The following DLGAP2 variants were observed in gnomAD, a reference collection of about 807,000 sequenced individuals.
DLGAP2 encodes the protein disks large-associated protein 2.
In DLGAP2, 26 loss-of-function variants were observed where a neutral mutation model predicts 100.3. The observed-to-expected ratio is 0.26, with a 90% CI of 0.19 to 0.36. The LOEUF is 0.36. Ranked by LOEUF, DLGAP2 falls within the 10% of genes least tolerant of loss-of-function variation. The pLI is 1.00. For missense variants in DLGAP2, 1,858 were observed against 1,453.2 expected (o/e 1.28, Z -4.53); for synonymous variants, 886 against 630.1 (o/e 1.41, Z -6.08).
In DLGAP2 at chr8:1,598,622, T is replaced by C. The variant is rs563411431; in HGVS notation, c.1443-28118T>C. 2.6e-5 allele frequency among the ~76,000 whole-genome samples: 4 copies of C among 152,318 alleles called. 1 individual carries two copies. Among genetic ancestry groups the C allele is most frequent in the African/African-American group, 9.6e-5 (4 of 41,576 alleles). On this transcript the variant is annotated intron_variant, in intron 6 of 14. Transcript: ENST00000637795. ...GTGTATGTTTCCAGGAATGTATCAG[T>C]TTCTTCTAGATTTTCTAGTTTATTT...
At position 1,184,426 on chromosome 8, in the gene DLGAP2, G is replaced by C. The variant is rs1349550767; in HGVS notation, c.74-74425G>C. On this transcript the variant is annotated intron_variant, in intron 2 of 14. Coordinates refer to ENST00000637795, the MANE Select transcript of DLGAP2 (RefSeq NM_001346810.2). ...TTCTCTTGGTAACAGTTTAATGCTG[G>C]AAGCATCCCGTGTGAAGGAGACGGG... 2.0e-5 allele frequency among the ~76,000 whole-genome samples: 3 copies of C among 152,314 alleles called. No individual in the cohort carries two copies. In the South Asian group the frequency reaches 6.2e-4, roughly 32 times the overall value.
intron 3 of DLGAP2, among the ~76,000 whole-genome samples, chr8:1,415,426 C>T (rs564741647): frequency 6.6e-6 from 1 of 151,816 alleles, no homozygotes; most frequent in East Asian, 2.0e-4. Flanking sequence ...ACACTGAGCA[C>T]AGCACCCAAT....
chr8:1,218,015 A>C (rs1480716754), intron 2 of DLGAP2, among the ~76,000 whole-genome samples: 3 of 152,004 alleles, frequency 2.0e-5, no homozygotes, highest in Non-Finnish European at 4.4e-5. Flanking sequence ...AGAAGGGTAG[A>C]TTTGCAGATA....
intron 2 of DLGAP2, among the ~76,000 whole-genome samples, chr8:1,111,144 C>A (rs1339849781): frequency 6.6e-6 from 1 of 152,214 alleles, no homozygotes; most frequent in African/African-American, 2.4e-5. Flanking sequence ...GATGGCAGGG[C>A]TGGAAATGCA....
intron 2 of DLGAP2, among the ~76,000 whole-genome samples, chr8:1,217,879 A>T (rs1029842485): frequency 2.6e-5 from 4 of 152,166 alleles, no homozygotes; most frequent in Non-Finnish European, 5.9e-5. Flanking sequence ...TTTTTAAAAT[A>T]TGCTTGTTGC....
At chr8:1,027,496 T>TGG (rs1801837326) in intron 2 of DLGAP2, among the ~76,000 whole-genome samples, 1 of 115,132 alleles carries the variant, frequency 8.7e-6, no homozygotes, top group Non-Finnish European at 1.8e-5. Flanking sequence ...TCTCCAGGTT[T>TGG]GGTGCCAGGT....
chr8:951,239 G>A (rs993055228), intron 2 of DLGAP2, among the ~76,000 whole-genome samples: 2 of 152,038 alleles, frequency 1.3e-5, no homozygotes, highest in Non-Finnish European at 2.9e-5. Flanking sequence ...AAAAAATAGT[G>A]CAGTGACTCT....
At chr8:904,902 C>T (rs931832538) in intron 1 of DLGAP2, among the ~76,000 whole-genome samples, 2 of 152,196 alleles carry the variant, frequency 1.3e-5, no homozygotes, top group Non-Finnish European at 2.9e-5. Context: ...TCTGTAAATC[C>T]TTCAGAGAGG....
At chr8:1,482,138 G>T (rs781200199) in intron 3 of DLGAP2, among the ~76,000 whole-genome samples, 1 of 152,240 alleles carries the variant, frequency 6.6e-6, no homozygotes, top group Non-Finnish European at 1.5e-5. Context: ...CTCACATGAC[G>T]GTCTGGGAGG....
chr8:926,354 C>A (rs551725249), intron 2 of DLGAP2, among the ~76,000 whole-genome samples: 1 of 152,308 alleles, frequency 6.6e-6, no homozygotes, highest in East Asian at 1.9e-4. Flanking sequence ...GGCCACCCCC[C>A]TCACACCTCC....
At chr8:1,188,711 G>C (rs910343209) in intron 2 of DLGAP2, among the ~76,000 whole-genome samples, 1 of 152,162 alleles carries the variant, frequency 6.6e-6, no homozygotes, top group South Asian at 2.1e-4. Context: ...TTGGCAAGCA[G>C]ATGAACAGTA....
chr8:800,495 C>T (rs1224550803), intron 1 of DLGAP2, among the ~76,000 whole-genome samples: 1 of 152,362 alleles, frequency 6.6e-6, no homozygotes, highest in East Asian at 1.9e-4. Context: ...CATGGAGACT[C>T]TAACCCACAG....
intron 1 of DLGAP2, among the ~76,000 whole-genome samples, chr8:744,891 A>T (rs35826972): frequency 0.26 from 39,713 of 152,110 alleles, 6,301 homozygotes; most frequent in Non-Finnish European, 0.36. Flanking sequence ...CCAGCCTCCG[A>T]ATTCCTCGCT....
rs553687848 is a variant in DLGAP2 at position 828,464 on chromosome 8, A to G, written c.19-79448A>G. ...AATATGGCTCTGTTCCGCCCAGCTCACCGGTGGTCAGAGTTTAAGGTTATC... is the reference window on the plus strand; with the variant it reads ...AATATGGCTCTGTTCCGCCCAGCTCGCCGGTGGTCAGAGTTTAAGGTTATC... On this transcript the variant is annotated intron_variant, in intron 1 of 14. Coordinates refer to ENST00000637795, the MANE Select transcript of DLGAP2 (RefSeq NM_001346810.2). Among the ~76,000 whole-genome samples, 34 of 152,306 alleles carry G rather than the reference A, an allele frequency of 2.2e-4. No individual in the cohort carries two copies. In the South Asian group the frequency reaches 7.1e-3, roughly 32 times the overall value.
chr8:977,481 A>G (rs1008906555), intron 2 of DLGAP2, among the ~76,000 whole-genome samples: 6 of 152,346 alleles, frequency 3.9e-5, no homozygotes, highest in Admixed American at 2.0e-4. Context: ...ATAGCAAAAT[A>G]TCTTTCTCCA....
chr8:1,308,361 C>G (rs1022739434), intron 3 of DLGAP2, among the ~76,000 whole-genome samples: 3 of 152,148 alleles, frequency 2.0e-5, no homozygotes, highest in South Asian at 2.1e-4. Context: ...AGTCACTAAA[C>G]AGACTACACC....
At chr8:1,624,761 A>C (rs1046786711) in intron 6 of DLGAP2, among the ~76,000 whole-genome samples, 2 of 151,928 alleles carry the variant, frequency 1.3e-5, no homozygotes, top group East Asian at 3.9e-4. Flanking sequence ...GTGCAGCGGG[A>C]GTCGGCGGGC....
intron 1 of DLGAP2, among the ~76,000 whole-genome samples, chr8:763,222 G>A (rs533847135): frequency 2.0e-5 from 3 of 152,208 alleles, no homozygotes; most frequent in Non-Finnish European, 4.4e-5. Context: ...CAGCCGGGAT[G>A]AGGACTGGGG....
At chr8:1,693,290 A>G (rs1264751295) in intron 13 of DLGAP2, among the ~76,000 whole-genome samples, 1 of 149,480 alleles carries the variant, frequency 6.7e-6, no homozygotes, top group Non-Finnish European at 1.5e-5. Flanking sequence ...TTGCCTACAC[A>G]CATGCATACA....
Sources: gnomAD v4.1 joint callset for allele counts (sites outside exome capture counted in the v4.1 genomes callset) on GRCh38, gnomAD v4.1.1 for gene constraint, MANE v1.5 for transcripts, NCBI Gene and HGNC (gene_info 2026-07-23, HGNC 2026-07-21) for gene names.